Variants in EDIL3 observed in about 807,000 individuals in gnomAD.
EDIL3 encodes the protein EGF-like repeat and discoidin I-like domain-containing protein 3.
Under a neutral mutation model 67.4 loss-of-function variants are expected in EDIL3, and 37 were observed. The ratio of observed to expected loss-of-function variants is 0.55; its 90% CI spans 0.42 to 0.72. EDIL3 has a LOEUF of 0.72. EDIL3 is among the 30% of genes least tolerant of loss of function. The pLI is 0.00. For missense variants in EDIL3, 527 were observed against 586.3 expected, an observed-to-expected ratio of 0.90 and a Z score of 1.04; for synonymous variants, 195 against 196.3, an observed-to-expected ratio of 0.99 and a Z score of 0.05.
chr5:84,138,966 G>A (rs1267826823), intron 4 of EDIL3, among the ~76,000 whole-genome samples: 3 of 152,200 alleles, frequency 2.0e-5, no homozygotes, highest in Admixed American at 6.5e-5. Flanking sequence ...TCAGCCGGGC[G>A]TGGTGGCTCA....
At chr5:84,056,983 A>T (rs986335712) in intron 9 of EDIL3, among the ~76,000 whole-genome samples, 1 of 152,134 alleles carries the variant, frequency 6.6e-6, no homozygotes, top group South Asian at 2.1e-4. Flanking sequence ...AGTTGAACAG[A>T]TTATATTCTC....
At chr5:83,985,664 ATGTC>A (rs1206117971) in intron 9 of EDIL3, among the ~76,000 whole-genome samples, 1 of 152,028 alleles carries the variant, frequency 6.6e-6, no homozygotes, top group South Asian at 2.1e-4. Flanking sequence ...CCTTGATTTT[ATGTC>A]TGTCTGAACT....
intron 3 of EDIL3, among the ~76,000 whole-genome samples, chr5:84,205,464 C>A (rs2112382786): frequency 6.6e-6 from 1 of 152,228 alleles, no homozygotes; most frequent in Non-Finnish European, 1.5e-5. Context: ...TGTGCAATAG[C>A]CAAAATATTT....
In EDIL3 at chr5:83,942,964, C is replaced by G. The variant is rs538221514; in HGVS notation, c.*455G>C. The G allele has an allele frequency of 2.3e-4, 39 of 169,280 alleles. No individual in the cohort carries two copies. Among genetic ancestry groups the G allele is most frequent in the African/African-American group, 8.9e-4 (37 of 41,570 alleles). 10.5% of individuals were successfully genotyped at this position (169,280 alleles called of 1,614,324 possible). Reference sequence around the variant, plus strand: ...TGGTAGGCACAGGGAAACAGGATAACGTAGAGTCATTACAGAAGAAAAAAA... The same window carrying G: ...TGGTAGGCACAGGGAAACAGGATAAGGTAGAGTCATTACAGAAGAAAAAAA... On this transcript the variant is annotated 3_prime_UTR_variant, in exon 11 of 11. Coordinates refer to ENST00000296591, the MANE Select transcript of EDIL3 (RefSeq NM_005711.5).
At chr5:84,196,764 T>C (rs990437159) in intron 3 of EDIL3, 1 of 152,082 alleles carries the variant, frequency 6.6e-6, no homozygotes, top group African/African-American at 2.4e-5. Flanking sequence ...GTTAGCCATG[T>C]ACACAGGATC....
intron 3 of EDIL3, among the ~76,000 whole-genome samples, chr5:84,229,314 A>T (rs1463758831): frequency 6.6e-6 from 1 of 152,208 alleles, no homozygotes; most frequent in Non-Finnish European, 1.5e-5. Context: ...GAACTAAGTC[A>T]TGATGCCAAG....
chr5:83,960,005 T>C (rs1016144552), intron 10 of EDIL3, among the ~76,000 whole-genome samples: 2 of 150,972 alleles, frequency 1.3e-5, no homozygotes, highest in Admixed American at 6.6e-5. Context: ...TGTAATTCCT[T>C]CTTCCCCATA....
intron 10 of EDIL3, among the ~76,000 whole-genome samples, chr5:83,951,174 T>C (rs1338093301): frequency 6.6e-6 from 1 of 151,672 alleles, no homozygotes; most frequent in African/African-American, 2.4e-5. Flanking sequence ...GGTTCCATAG[T>C]CTCTCTTTCA....
At chr5:84,259,291 A>C (rs1164483342) in intron 1 of EDIL3, among the ~76,000 whole-genome samples, 1 of 152,128 alleles carries the variant, frequency 6.6e-6, no homozygotes, top group Non-Finnish European at 1.5e-5. Flanking sequence ...AATGACAACC[A>C]GTAGAAGAGG....
Position 84,051,095 on chromosome 5 carries a change from G to A in EDIL3, c.1137+9205C>T, listed in dbSNP as rs371284945. 2.1e-4 allele frequency among the ~76,000 whole-genome samples: 32 copies of A among 152,212 alleles called. No individual in the cohort carries two copies. The South Asian group carries it at 6.4e-3, about 31-fold the overall frequency. ...GGCAGACTGACACCTCACACAGCTGGGTACCCCTCTGAGACAAAACCTCCA... is the reference window on the plus strand; with the variant it reads ...GGCAGACTGACACCTCACACAGCTGAGTACCCCTCTGAGACAAAACCTCCA... On this transcript the variant is annotated intron_variant, in intron 9 of 10. Coordinates refer to ENST00000296591, the MANE Select transcript of EDIL3 (RefSeq NM_005711.5).
chr5:84,160,805 C>CT (rs1284115501), intron 4 of EDIL3, among the ~76,000 whole-genome samples: 10 of 102,602 alleles, frequency 9.7e-5, no homozygotes, highest in African/African-American at 3.4e-4. Flanking sequence ...CTTTCCTTTC[C>CT]TTTCCTTTCC....
intron 1 of EDIL3, among the ~76,000 whole-genome samples, chr5:84,325,352 A>G (rs2112159847): frequency 6.6e-6 from 1 of 152,132 alleles, no homozygotes; most frequent in East Asian, 1.9e-4. Context: ...TTCAAAGAAG[A>G]TATACAAATG....
rs148428582 is a variant in EDIL3 at position 84,125,042 on chromosome 5, G to T, written c.469+12199C>A. Among the ~76,000 whole-genome samples, 326 of 152,078 alleles carry T rather than the reference G, an allele frequency of 2.1e-3. 3 individuals are homozygous for T. Among genetic ancestry groups the T allele is most frequent in the African/African-American group, 7.2e-3 (298 of 41,510 alleles). On this transcript the variant is annotated intron_variant, in intron 5 of 10. Coordinates refer to ENST00000296591, the MANE Select transcript of EDIL3 (RefSeq NM_005711.5). ...ATTGATCATTCATGAAGACAAGGAT[G>T]CAGAGTAAAAACAGAGAGAAGCAAA...
rs745727812 is a variant in EDIL3 at position 83,943,520 on chromosome 5, C to A, written c.1342G>T (p.Asp448Tyr). The A allele has an allele frequency of 6.2e-7, 1 of 1,612,092 alleles. No homozygotes were observed. The highest frequency in any genetic ancestry group is 8.5e-7 in the Non-Finnish European group (1 of 1,179,006). ...ATGTGTCGTGCATAGATGGGAGGGT[C>A]GATGACATTTTTTCTGTGAGTGTCA... ...DNDTHRKNVI[D>Y]PPIYARHIRI... is the part of the protein sequence containing the mutation. The change falls in exon 11 of 11, where the codon GAC (aspartate) becomes TAC (tyrosine). Residue 448 changes from aspartate to tyrosine, a missense_variant. Coordinates refer to ENST00000296591, the MANE Select transcript of EDIL3 (RefSeq NM_005711.5).
chr5:84,219,624 G>A (rs991972711), intron 3 of EDIL3, among the ~76,000 whole-genome samples: 10 of 152,212 alleles, frequency 6.6e-5, no homozygotes, highest in Non-Finnish European at 1.2e-4. Context: ...TATACCCAAA[G>A]GAAAGGAAAT....
chr5:84,383,455 CT>C (rs1417648447), intron 1 of EDIL3, among the ~76,000 whole-genome samples: 2 of 152,226 alleles, frequency 1.3e-5, no homozygotes, highest in Non-Finnish European at 2.9e-5. Flanking sequence ...ATGCTTTTTT[CT>C]TTTTAATTTA....
chr5:84,309,793 G>T (rs915563017), intron 1 of EDIL3, among the ~76,000 whole-genome samples: 3 of 152,106 alleles, frequency 2.0e-5, no homozygotes, highest in African/African-American at 4.8e-5. Context: ...GAATAGTGCC[G>T]CAATAAACAC....
intron 1 of EDIL3, among the ~76,000 whole-genome samples, chr5:84,262,062 A>G (rs1245766367): frequency 6.6e-6 from 1 of 152,214 alleles, no homozygotes; most frequent in African/African-American, 2.4e-5. Flanking sequence ...CTTTTTGCAT[A>G]TGTTTTAGTT....
At chr5:84,263,452 T>C (rs1745276463) in intron 1 of EDIL3, among the ~76,000 whole-genome samples, 1 of 152,194 alleles carries the variant, frequency 6.6e-6, no homozygotes, top group African/African-American at 2.4e-5. Flanking sequence ...GAAGTAATGA[T>C]GCAATTCTTT....
Sources: allele counts gnomAD v4.1 joint callset (sites outside exome capture counted in the v4.1 genomes callset), GRCh38; gene constraint gnomAD v4.1.1; transcripts MANE v1.5; gene names NCBI Gene and HGNC (gene_info 2026-07-23, HGNC 2026-07-21).